CSDE1: variants seen among roughly 807,000 people sequenced by gnomAD.
CSDE1 encodes the protein cold shock domain-containing protein E1.
Under a neutral mutation model 89.3 loss-of-function variants are expected in CSDE1, and 17 were observed. The observed-to-expected ratio is 0.19, with a 90% CI of 0.13 to 0.29. CSDE1 has a LOEUF of 0.29. Among genes scored for constraint, CSDE1 ranks in the 10% least tolerant of loss-of-function variants. CSDE1 has a pLI of 1.00. For missense variants in CSDE1, 672 were observed against 984.2 expected, an observed-to-expected ratio of 0.68 and a Z score of 4.24; for synonymous variants, 322 against 332.8, an observed-to-expected ratio of 0.97 and a Z score of 0.35.
chr1:114,757,180 G>A (rs1055414826), intron 1 of CSDE1, among the ~76,000 whole-genome samples: 1 of 152,204 alleles, frequency 6.6e-6, no homozygotes, highest in African/African-American at 2.4e-5. Flanking sequence ...GACGCCGAAG[G>A]GGAGACAATG....
rs755778971 is a variant in CSDE1 at position 114,718,121 on chromosome 1, C to T, written c.*48G>A. 1.3e-5 allele frequency: 20 copies of T among 1,598,916 alleles called. No individual in the cohort carries two copies. The highest frequency in any genetic ancestry group is 1.6e-5 in the Non-Finnish European group (19 of 1,166,752). On this transcript the variant is annotated 3_prime_UTR_variant, in exon 20 of 20. Transcript: ENST00000358528. ...GATATTCAGAACCCTTCACCAGATTCCCCCCAACTTGATCATAGTGGATTA... is the reference window on the plus strand; with the variant it reads ...GATATTCAGAACCCTTCACCAGATTTCCCCCAACTTGATCATAGTGGATTA...
intron 1 of CSDE1, among the ~76,000 whole-genome samples, chr1:114,751,465 C>T (rs1395833361): frequency 6.7e-6 from 1 of 150,202 alleles, no homozygotes. Flanking sequence ...CTAGTAAATA[C>T]CATGAACAAG....
chr1:114,730,228 C>G (rs1351237752), intron 12 of CSDE1, 30 bp downstream of exon 12: 3 of 1,604,886 alleles, frequency 1.9e-6, no homozygotes, highest in Admixed American at 3.5e-5. Flanking sequence ...TAAACAGCTA[C>G]AAAAATCATT....
Position 114,718,750 on chromosome 1 carries a change from A to G in CSDE1, c.2217-5T>C, listed in dbSNP as rs370770661. On this transcript the variant is annotated splice_region_variant and splice_polypyrimidine_tract_variant and intron_variant, in intron 18 of 19. Transcript: ENST00000358528. The stretch of plus-strand genomic sequence containing the variant: ...GCAACAGCCTTGGGGCCCTCACTGT[A>G]ATTAAGTCAAAAGATGAGAAGAAAC... 5 of 1,613,244 alleles carry G rather than the reference A, an allele frequency of 3.1e-6. No individual in the cohort carries two copies. The highest frequency in any genetic ancestry group is 2.7e-5 in the African/African-American group (2 of 74,862).
intron 1 of CSDE1, among the ~76,000 whole-genome samples, chr1:114,752,856 T>C (rs115117665): frequency 4.8e-4 from 73 of 152,370 alleles, no homozygotes; most frequent in African/African-American, 1.7e-3. Flanking sequence ...TTATGTATCT[T>C]GTTCCTCCAA....
chr1:114,736,446 C>A lies in CSDE1; in HGVS notation c.500+312G>T, dbSNP rs138001364. 4.4e-3 allele frequency among the ~76,000 whole-genome samples: 668 copies of A among 152,228 alleles called. 6 individuals are homozygous for A. The highest frequency in any genetic ancestry group is 0.015 in the African/African-American group (634 of 41,566). On this transcript the variant is annotated intron_variant, in intron 6 of 19. Transcript: ENST00000358528. ...ATACTTCTAATCATAATGCTTTTTTCTCACCTCTCTATAGTGACTATACCC... is the reference window on the plus strand; with the variant it reads ...ATACTTCTAATCATAATGCTTTTTTATCACCTCTCTATAGTGACTATACCC...
At chr1:114,722,057 T>C (rs1386030917) in intron 16 of CSDE1, among the ~76,000 whole-genome samples, 1 of 151,988 alleles carries the variant, frequency 6.6e-6, no homozygotes, top group Non-Finnish European at 1.5e-5. Flanking sequence ...AATTTTTGTA[T>C]TTTTAGGAGA....
At chr1:114,729,440 A>G (rs1199168984) in intron 12 of CSDE1, among the ~76,000 whole-genome samples, 1 of 150,566 alleles carries the variant, frequency 6.6e-6, no homozygotes, top group African/African-American at 2.4e-5. Flanking sequence ...ACACCCTCCC[A>G]GTCTAGCTGG....
At chr1:114,746,023 C>G (rs929601577) in intron 2 of CSDE1, among the ~76,000 whole-genome samples, 4 of 152,082 alleles carry the variant, frequency 2.6e-5, no homozygotes, top group Non-Finnish European at 4.4e-5. Context: ...GTTTTTCCCC[C>G]CTAATCTGGT....
At chr1:114,743,003 T>C (rs1251322751) in intron 2 of CSDE1, among the ~76,000 whole-genome samples, 1 of 152,234 alleles carries the variant, frequency 6.6e-6, no homozygotes, top group Non-Finnish European at 1.5e-5. Flanking sequence ...CACAGAATTA[T>C]AATTACACAA....
At chr1:114,748,224 T>C (rs1295880840) in intron 2 of CSDE1, 1 of 152,212 alleles carries the variant, frequency 6.6e-6, no homozygotes, top group Non-Finnish European at 1.5e-5. Context: ...GAATGACTTA[T>C]TTTCATTCTT....
chr1:114,741,071 G>C (rs771684411), intron 2 of CSDE1, among the ~76,000 whole-genome samples: 2 of 152,134 alleles, frequency 1.3e-5, no homozygotes, highest in Non-Finnish European at 2.9e-5. Context: ...CCACTGTTCT[G>C]TGTTTAACAT....
At position 114,723,923 on chromosome 1, in the gene CSDE1, T is replaced by C; in HGVS notation, c.1833A>G (p.Thr611=). Residue 611 remains threonine (T), a synonymous_variant, in exon 16 of 20, where the codon ACA becomes ACG. Transcript: ENST00000358528. ...CAATCATTCCTTGGTACTCAGTCTG[T>C]GTTGGATCAACACTCCTCAGGGGGC... ...VIRPLRSVDP[T]QTEYQGMIEI... 6.2e-7 allele frequency: 1 copy of C among 1,614,100 alleles called. No individual in the cohort carries two copies.
intron 3 of CSDE1, among the ~76,000 whole-genome samples, chr1:114,738,412 A>G (rs1428535892): frequency 6.6e-6 from 1 of 152,064 alleles, no homozygotes; most frequent in Non-Finnish European, 1.5e-5. Context: ...ACATACTACA[A>G]ATGAGATGAC....
chr1:114,728,410 T>A (rs887093103), intron 12 of CSDE1, among the ~76,000 whole-genome samples: 1 of 151,752 alleles, frequency 6.6e-6, no homozygotes, highest in African/African-American at 2.4e-5. Context: ...TAAATAGAGA[T>A]AGGAGAATCC....
chr1:114,726,531 C>G, intron 13 of CSDE1, 145 bp from the exon 14 acceptor site: 1 of 636,174 alleles, frequency 1.6e-6, no homozygotes, highest in Non-Finnish European at 2.5e-6. Context: ...TGATTTTCAC[C>G]AAAACATTTA....
chr1:114,732,504 GT>G, intron 10 of CSDE1, 99 bp downstream of exon 10: 1 of 1,063,450 alleles, frequency 9.4e-7, no homozygotes, highest in African/African-American at 1.6e-5. Context: ...GCCCATTAGG[GT>G]CATTTAACTT....
intron 6 of CSDE1, among the ~76,000 whole-genome samples, chr1:114,736,276 C>A (rs1298133469): frequency 6.6e-6 from 1 of 152,138 alleles, no homozygotes; most frequent in African/African-American, 2.4e-5. Context: ...TTTCAAAAGT[C>A]TACCACTTCC....
intron 2 of CSDE1, among the ~76,000 whole-genome samples, chr1:114,744,186 ACTT>A (rs1424010255): frequency 3.3e-5 from 5 of 152,194 alleles, no homozygotes; most frequent in Non-Finnish European, 5.9e-5. Context: ...ATGTTACTTG[ACTT>A]CTTCTTTAAA....
Sources: allele counts gnomAD v4.1 joint callset (sites outside exome capture counted in the v4.1 genomes callset), GRCh38; gene constraint gnomAD v4.1.1; transcripts MANE v1.5; gene names NCBI Gene and HGNC (gene_info 2026-07-23, HGNC 2026-07-21).